Variants in CRISP2 observed in about 807,000 individuals in gnomAD.
The protein encoded by CRISP2 is cysteine rich secretory protein 2.
In CRISP2, 29 loss-of-function variants were observed where a neutral mutation model predicts 31.7. The ratio of observed to expected loss-of-function variants is 0.92; its 90% CI spans 0.68 to 1.25. The LOEUF is 1.25. Ranked by LOEUF, CRISP2 falls within the 50% of genes most tolerant of loss-of-function variation. The pLI is 0.00. For missense variants in CRISP2, 318 were observed against 286.5 expected, an observed-to-expected ratio of 1.11 and a Z score of -0.79; for synonymous variants, 111 against 101.4, an observed-to-expected ratio of 1.09 and a Z score of -0.57.
At chr6:49,681,793 G>A in the CRISP2 span, among the ~76,000 whole-genome samples, 1 of 151,960 alleles carries the variant, frequency 6.6e-6, no homozygotes, top group Admixed American at 6.6e-5. Flanking sequence ...CTCCTAAGTA[G>A]CTTGGATTCC....
chr6:49,706,863 C>T (rs764311155), intron 4 of CRISP2, among the ~76,000 whole-genome samples: 31 of 152,100 alleles, frequency 2.0e-4, no homozygotes, highest in Non-Finnish European at 3.7e-4. Context: ...AGGGACTGAT[C>T]GTGGACGCCA....
At position 49,701,614 on chromosome 6, in the gene CRISP2, A is replaced by ATG. The variant is rs1268200113; in HGVS notation, c.67-831_67-830insCA. On this transcript the variant is annotated intron_variant, in intron 4 of 9. Transcript: ENST00000339139. ...ATATATATACACACACACACGGTAT[A>ATG]TATATATACATTATATATGTATACA... Among the ~76,000 whole-genome samples the ATG allele has an allele frequency of 5.5e-3, 603 of 108,906 alleles. 133 individuals carry two copies. Among genetic ancestry groups the ATG allele is most frequent in the African/African-American group, 0.011 (313 of 29,448 alleles). 71.4% of individuals were successfully genotyped at this position (108,906 alleles called of 152,430 possible).
Position 49,692,418 on chromosome 6 carries a change from G to T in CRISP2, c.*355C>A. 6.2e-6 allele frequency: 1 copy of T among 161,968 alleles called. No individual in the cohort carries two copies. The highest frequency in any genetic ancestry group is 6.4e-5 in the Admixed American group (1 of 15,620). The allele number at this position is 161,968 out of a possible 1,614,324, so 10.0% of individuals were successfully genotyped here. On this transcript the variant is annotated 3_prime_UTR_variant, in exon 10 of 10. Transcript: ENST00000339139. The stretch of plus-strand genomic sequence containing the variant: ...AGTAAAAACTCAGGTAGTAGGAATG[G>T]CAATGATGTTACAGTCTTCTTCTTT...
the CRISP2 span, among the ~76,000 whole-genome samples, chr6:49,679,445 T>C: frequency 6.6e-6 from 1 of 152,264 alleles, no homozygotes; most frequent in South Asian, 2.1e-4. Context: ...ATAAAAATGT[T>C]GTTTTTTGAA....
At chr6:49,684,124 A>G in the CRISP2 span, among the ~76,000 whole-genome samples, 1 of 152,106 alleles carries the variant, frequency 6.6e-6, no homozygotes, top group Non-Finnish European at 1.5e-5. Context: ...TATTGGGAGG[A>G]TAAAGTGCAA....
At chr6:49,704,643 A>C (rs1342164846) in intron 4 of CRISP2, among the ~76,000 whole-genome samples, 19 of 152,158 alleles carry the variant, frequency 1.2e-4, no homozygotes, top group African/African-American at 2.4e-5. Flanking sequence ...CAGCAGAGCT[A>C]CTGGGCTCCA....
At chr6:49,679,936 C>A in the CRISP2 span, among the ~76,000 whole-genome samples, 1 of 152,044 alleles carries the variant, frequency 6.6e-6, no homozygotes, top group Non-Finnish European at 1.5e-5. Context: ...GAACTCCTGA[C>A]CTCAGGTGAT....
At chr6:49,683,474 A>G in the CRISP2 span, among the ~76,000 whole-genome samples, 1 of 149,782 alleles carries the variant, frequency 6.7e-6, no homozygotes, top group Non-Finnish European at 1.5e-5. Flanking sequence ...GCAGTTCAAG[A>G]CCAAGATGGT....
the CRISP2 span, among the ~76,000 whole-genome samples, chr6:49,685,962 A>T: frequency 6.6e-6 from 1 of 151,936 alleles, no homozygotes; most frequent in Non-Finnish European, 1.5e-5. Flanking sequence ...TTTTTCTTAC[A>T]CCATTGTCAT....
At chr6:49,698,658 C>T in intron 6 of CRISP2, 151 bp from the exon 7 acceptor site, 1 of 792,608 alleles carries the variant, frequency 1.3e-6, no homozygotes, top group Non-Finnish European at 2.0e-6. Context: ...AGTTCCTTAT[C>T]AGCTATAAAG....
chr6:49,698,186 T>C (rs984951906), intron 7 of CRISP2, among the ~76,000 whole-genome samples, 176 bp downstream of exon 7: 1 of 152,156 alleles, frequency 6.6e-6, no homozygotes, highest in African/African-American at 2.4e-5. Flanking sequence ...GCTTTCCTAC[T>C]AAGAGTTTGG....
At chr6:49,689,454 A>G (rs1763981700), downstream of CRISP2, among the ~76,000 whole-genome samples, 1 of 152,112 alleles carries the variant, frequency 6.6e-6, no homozygotes, top group Non-Finnish European at 1.5e-5. Context: ...AGAGTCCTGG[A>G]TGATAATAAC....
At chr6:49,702,625 C>T (rs1766293284) in intron 4 of CRISP2, among the ~76,000 whole-genome samples, 1 of 151,966 alleles carries the variant, frequency 6.6e-6, no homozygotes, top group South Asian at 2.1e-4. Context: ...ATTGTCTACT[C>T]ATGCCCTTAG....
chr6:49,691,587 C>A (rs931900498), downstream of CRISP2, among the ~76,000 whole-genome samples: 1 of 151,706 alleles, frequency 6.6e-6, no homozygotes, highest in Non-Finnish European at 1.5e-5. Flanking sequence ...AGCGATAGAT[C>A]TCTCTCTATA....
intron 6 of CRISP2, among the ~76,000 whole-genome samples, chr6:49,698,807 T>G (rs751306397): frequency 6.6e-6 from 1 of 152,130 alleles, no homozygotes; most frequent in Non-Finnish European, 1.5e-5. Context: ...TGTTCCCAGC[T>G]GTATATGGTA....
intron 3 of CRISP2, 63 bp from the exon 4 acceptor site, chr6:49,709,268 G>C: frequency 7.4e-7 from 1 of 1,355,010 alleles, no homozygotes; most frequent in Admixed American, 1.8e-5. Context: ...CTAAGAGGGG[G>C]AATACCAATA....
rs1764653854 is a variant in CRISP2, at chr6:49,695,881, T to C, written c.559A>G (p.Thr187Ala). Reference protein sequence around the residue: ...NRKNTPYQQGTPCAGCPDDCD... With the variant: ...NRKNTPYQQGAPCAGCPDDCD... ...TCATCAGGGCAACCGGCACAAGGTGTTCCTTGTTGGTACGGGGTATTCTTT... is the reference window on the plus strand; with the variant it reads ...TCATCAGGGCAACCGGCACAAGGTGCTCCTTGTTGGTACGGGGTATTCTTT... Residue 187 changes from threonine (T) to alanine (A), a missense_variant, in exon 9 of 10, where the codon ACA becomes GCA. Physicochemically the swap from Thr to Ala is moderately conservative, Grantham distance 58. Coordinates refer to ENST00000339139, the MANE Select transcript of CRISP2 (RefSeq NM_003296.4). 2.5e-6 allele frequency: 4 copies of C among 1,613,242 alleles called. No homozygotes were observed. The highest frequency in any genetic ancestry group is 3.4e-6 in the Non-Finnish European group (4 of 1,179,490).
chr6:49,682,573 T>C, the CRISP2 span, among the ~76,000 whole-genome samples: 646 of 105,654 alleles, frequency 6.1e-3, 2 homozygotes, highest in Non-Finnish European at 8.0e-3. Flanking sequence ...CTTTCTTTCT[T>C]TTTCTTTCTT....
At chr6:49,708,834 T>C (rs968050509) in intron 4 of CRISP2, among the ~76,000 whole-genome samples, 19 of 152,262 alleles carry the variant, frequency 1.2e-4, no homozygotes, top group African/African-American at 4.1e-4. Flanking sequence ...CTTCTTTCTT[T>C]GTTCTAAATG....
Sources: gnomAD v4.1 joint callset for allele counts (sites outside exome capture counted in the v4.1 genomes callset) on GRCh38, gnomAD v4.1.1 for gene constraint, MANE v1.5 for transcripts, NCBI Gene and HGNC (gene_info 2026-07-23, HGNC 2026-07-21) for gene names.